The following CLASP1 variants were observed in gnomAD, a reference collection of about 807,000 sequenced individuals.
The protein encoded by CLASP1 is cytoplasmic linker associated protein 1.
A neutral mutation model predicts 192.3 loss-of-function variants in CLASP1; 38 were observed. That is an observed-to-expected ratio of 0.20 (90% CI 0.15 to 0.26). The LOEUF (loss-of-function observed/expected upper bound fraction) is 0.26. CLASP1 is among the 10% of genes least tolerant of loss of function. The probability of loss-of-function intolerance (pLI) is 1.00; values close to 1 mark genes in which losing one functional copy is unlikely to be tolerated. For missense variants in CLASP1, 1,433 were observed against 1,932.5 expected, an observed-to-expected ratio of 0.74 and a Z score of 4.85; for synonymous variants, 691 against 712.8, an observed-to-expected ratio of 0.97 and a Z score of 0.49.
At chr2:121,515,046 T>C (rs2094248499) in intron 7 of CLASP1, among the ~76,000 whole-genome samples, 1 of 152,212 alleles carries the variant, frequency 6.6e-6, no homozygotes, top group Non-Finnish European at 1.5e-5. Context: ...TTGGAATTAA[T>C]TTGGTGTTAA....
intron 23 of CLASP1, among the ~76,000 whole-genome samples, chr2:121,413,626 A>G (rs1422042329): frequency 6.6e-6 from 1 of 152,206 alleles, no homozygotes; most frequent in African/African-American, 2.4e-5. Flanking sequence ...TTGTTTTTCC[A>G]TAAAACTTTG....
At chr2:121,531,081 A>T (rs1250814494) in intron 2 of CLASP1, 1 of 682,270 alleles carries the variant, frequency 1.5e-6, no homozygotes, top group South Asian at 1.5e-5. Context: ...TTTGTGGTTA[A>T]ACCAGTAGAG....
At chr2:121,561,098 G>T (rs1406068424) in intron 2 of CLASP1, among the ~76,000 whole-genome samples, 1 of 152,084 alleles carries the variant, frequency 6.6e-6, no homozygotes, top group Non-Finnish European at 1.5e-5. Flanking sequence ...GCAGAGACAG[G>T]GTTTTGCCAT....
chr2:121,601,580 T>A (rs760808643), intron 2 of CLASP1, among the ~76,000 whole-genome samples: 7 of 152,112 alleles, frequency 4.6e-5, no homozygotes, highest in African/African-American at 7.2e-5. Context: ...AGCTTTCAGC[T>A]TTTAAGAACT....
intron 7 of CLASP1, among the ~76,000 whole-genome samples, chr2:121,513,806 T>C (rs1036154819): frequency 2.0e-5 from 3 of 152,222 alleles, no homozygotes; most frequent in South Asian, 4.1e-4. Context: ...AGTGAGATGC[T>C]TTCTATCAGG....
intron 37 of CLASP1, 95 bp from the exon 39 acceptor site, chr2:121,348,813 G>T: frequency 8.9e-7 from 1 of 1,117,478 alleles, no homozygotes; most frequent in Non-Finnish European, 1.2e-6. Flanking sequence ...AAAGGACAAT[G>T]ACCTCAATGT....
intron 1 of CLASP1, among the ~76,000 whole-genome samples, chr2:121,647,547 G>C (rs1236533960): frequency 6.6e-6 from 1 of 152,062 alleles, no homozygotes; most frequent in Non-Finnish European, 1.5e-5. Context: ...TACACTTAAA[G>C]AGATTCTATC....
chr2:121,346,054 C>T (rs1230530604), intron 39 of CLASP1, among the ~76,000 whole-genome samples: 1 of 152,268 alleles, frequency 6.6e-6, no homozygotes, highest in Non-Finnish European at 1.5e-5. Context: ...TGTTAATGCT[C>T]ACCAGCTGTA....
chr2:121,373,520 G>A (rs2069231288), intron 34 of CLASP1, among the ~76,000 whole-genome samples: 1 of 152,218 alleles, frequency 6.6e-6, no homozygotes, highest in South Asian at 2.1e-4. Context: ...GGAACAATTT[G>A]GAGGGATCAG....
intron 14 of CLASP1, among the ~76,000 whole-genome samples, chr2:121,456,740 C>T (rs1364208353): frequency 1.3e-5 from 2 of 152,034 alleles, no homozygotes; most frequent in Admixed American, 6.6e-5. Flanking sequence ...CAACAAGACA[C>T]CCCAGGAAAA....
At chr2:121,441,004 AC>A (rs2083242418) in intron 19 of CLASP1, among the ~76,000 whole-genome samples, 1 of 152,158 alleles carries the variant, frequency 6.6e-6, no homozygotes, top group Non-Finnish European at 1.5e-5. Context: ...TCATCTCATG[AC>A]TTTTTAATAC....
At chr2:121,544,293 G>C (rs569203389) in intron 2 of CLASP1, among the ~76,000 whole-genome samples, 1 of 152,228 alleles carries the variant, frequency 6.6e-6, no homozygotes, top group Admixed American at 6.5e-5. Flanking sequence ...AATCTCCACA[G>C]AGGCACCATG....
chr2:121,576,735 T>C (rs1335728700), intron 2 of CLASP1, among the ~76,000 whole-genome samples: 1 of 152,222 alleles, frequency 6.6e-6, no homozygotes, highest in East Asian at 1.9e-4. Context: ...TTTTGGAGAC[T>C]GGTAGACACT....
intron 8 of CLASP1, among the ~76,000 whole-genome samples, chr2:121,478,810 A>C (rs1434320812): frequency 2.2e-4 from 5 of 22,892 alleles, no homozygotes; most frequent in African/African-American, 3.3e-4. Flanking sequence ...CCACACACAC[A>C]CCCCACACAC....
chr2:121,447,661 C>T (rs897715192), intron 18 of CLASP1, among the ~76,000 whole-genome samples, 154 bp from the exon 19 acceptor site: 5 of 152,072 alleles, frequency 3.3e-5, no homozygotes, highest in African/African-American at 4.8e-5. Flanking sequence ...TCTCCTGGTC[C>T]CTGAAGAGAG....
At chr2:121,614,313 T>C (rs2066108252) in intron 1 of CLASP1, among the ~76,000 whole-genome samples, 1 of 152,170 alleles carries the variant, frequency 6.6e-6, no homozygotes, top group East Asian at 1.9e-4. Context: ...CTGGTCCACA[T>C]GGTGAAACCC....
rs112248162 is a variant in CLASP1 at position 121,564,823 on chromosome 2, T to C, written c.196-34498A>G. 9.9e-5 allele frequency among the ~76,000 whole-genome samples: 15 copies of C among 152,252 alleles called. 1 individual carries two copies. The highest frequency in any genetic ancestry group is 3.4e-4 in the African/African-American group (14 of 41,526). On this transcript the variant is annotated intron_variant, in intron 2 of 39. Transcript: ENST00000263710. ...AGAGAGGGAAAGCCACAACCCAGAA[T>C]ATGCTCCAAAGGGGCTGCAGTTGGC...
intron 2 of CLASP1, chr2:121,530,860 G>T (rs866057460): frequency 3.0e-6 from 2 of 677,666 alleles, no homozygotes; most frequent in Non-Finnish European, 5.4e-6. Flanking sequence ...CCTGCTTGCA[G>T]CCCAGGGACT....
exon 2 of CLASP1, chr2:121,605,931 G>A (rs1367652805): frequency 6.3e-7 from 1 of 1,597,382 alleles, no homozygotes; most frequent in Non-Finnish European, 8.6e-7. Flanking sequence ...AAAAGCTAGA[G>A]GGCAGTCACG....
Sources: gnomAD v4.1 joint callset for allele counts (sites outside exome capture counted in the v4.1 genomes callset) on GRCh38, gnomAD v4.1.1 for gene constraint, MANE v1.5 for transcripts, NCBI Gene and HGNC (gene_info 2026-07-23, HGNC 2026-07-21) for gene names.